The following ENTPD1 variants were observed in gnomAD, a reference collection of about 807,000 sequenced individuals.
ENTPD1 encodes ATP diphosphohydrolase.
Under a neutral mutation model 57.0 loss-of-function variants are expected in ENTPD1, and 33 were observed. The observed-to-expected ratio is 0.58, with a 90% CI of 0.44 to 0.77. ENTPD1 has a LOEUF of 0.77. Ranked by LOEUF, ENTPD1 falls within the 30% of genes least tolerant of loss-of-function variation. The pLI is 0.00. For synonymous variants in ENTPD1, 202 were observed against 218.8 expected, an observed-to-expected ratio of 0.92 and a Z score of 0.68; for missense variants, 501 against 603.4, an observed-to-expected ratio of 0.83 and a Z score of 1.78.
chr10:95,848,668 A>T (rs184456973), intron 7 of ENTPD1, among the ~76,000 whole-genome samples: 162 of 152,324 alleles, frequency 1.1e-3, no homozygotes, highest in Non-Finnish European at 1.6e-3. Flanking sequence ...AAAGCAGGAA[A>T]GATGTTTAAG....
intron 1 of ENTPD1, among the ~76,000 whole-genome samples, chr10:95,806,777 A>C (rs1247401207): frequency 6.6e-6 from 1 of 151,944 alleles, no homozygotes; most frequent in Non-Finnish European, 1.5e-5. Context: ...AGTTTGCTGG[A>C]GGTCCACTCC....
chr10:95,866,836 A>C lies in ENTPD1; in HGVS notation c.*453A>C. On this transcript the variant is annotated 3_prime_UTR_variant, in exon 10 of 10. Transcript: ENST00000371205. ...CTGTTTGCCATCCATTAAGAAAGCC[A>C]TATGATGCCTTTGGAGAAGGCAGAC... 9.5e-7 allele frequency: 1 copy of C among 1,051,630 alleles called. No individual in the cohort carries two copies. The allele number at this position is 1,051,630 out of a possible 1,614,324, so 65.1% of individuals were successfully genotyped here. A position where few individuals can be genotyped will look rare whatever the true frequency, so the allele number is the denominator to read the frequency against.
At chr10:95,826,085 C>T (rs2140599636) in intron 2 of ENTPD1, among the ~76,000 whole-genome samples, 1 of 152,256 alleles carries the variant, frequency 6.6e-6, no homozygotes, top group African/African-American at 2.4e-5. Context: ...ATAGGGAAGG[C>T]AGTATATAGA....
chr10:95,710,478 T>C (rs1363470552), upstream of ENTPD1, among the ~76,000 whole-genome samples: 3 of 152,010 alleles, frequency 2.0e-5, no homozygotes, highest in Non-Finnish European at 4.4e-5. Context: ...TACAAGCATT[T>C]ATCTAAGTAA....
At chr10:95,823,436 A>C (rs2098361495) in intron 2 of ENTPD1, 72 bp downstream of exon 2, 1 of 1,606,032 alleles carries the variant, frequency 6.2e-7, no homozygotes, top group African/African-American at 1.3e-5. Context: ...GAGGAGGGAT[A>C]AGGTATGTAG....
chr10:95,872,801 T>C lies in ENTPD1; in HGVS notation c.*6418T>C, dbSNP rs2098481959. On this transcript the variant is annotated 3_prime_UTR_variant, in exon 10 of 10. Transcript: ENST00000371205. ...GCTTCACTCTATTTATCTCTTGATGTAACCATCTTCTTTCTCCAGGTTTTA... is the reference window on the plus strand; with the variant it reads ...GCTTCACTCTATTTATCTCTTGATGCAACCATCTTCTTTCTCCAGGTTTTA... 1 of 985,472 alleles carries C rather than the reference T, an allele frequency of 1.0e-6. No individual in the cohort carries two copies. Among genetic ancestry groups the C allele is most frequent in the South Asian group, 4.7e-5 (1 of 21,290 alleles). The allele number at this position is 985,472 out of a possible 1,614,324, so 61.0% of individuals were successfully genotyped here. A position where few individuals can be genotyped will look rare whatever the true frequency, so the allele number is the denominator to read the frequency against.
At chr10:95,850,195 T>C (rs1238122529) in intron 7 of ENTPD1, among the ~76,000 whole-genome samples, 1 of 152,216 alleles carries the variant, frequency 6.6e-6, no homozygotes, top group Non-Finnish European at 1.5e-5. Flanking sequence ...TCTCCCAGCC[T>C]TCTGAACCTC....
intron 1 of ENTPD1, among the ~76,000 whole-genome samples, chr10:95,793,032 C>T (rs1278780199): frequency 2.0e-5 from 3 of 152,140 alleles, no homozygotes; most frequent in Non-Finnish European, 2.9e-5. Context: ...GGATTCCTTA[C>T]GTCATTGCTT....
Position 95,803,172 on chromosome 10 carries a change from A to G in ENTPD1, c.17-20065A>G, listed in dbSNP as rs188925265. Among the ~76,000 whole-genome samples the G allele has an allele frequency of 3.3e-3, 504 of 152,288 alleles. 2 individuals are homozygous for G. Among genetic ancestry groups the G allele is most frequent in the African/African-American group, 0.011 (477 of 41,556 alleles). On this transcript the variant is annotated intron_variant, in intron 1 of 9. Transcript: ENST00000371205. ...CGGTATGGCCATTTTAACGATATGGAATCTTCCTGTCCATGAGCATGGAAT... is the reference window on the plus strand; with the variant it reads ...CGGTATGGCCATTTTAACGATATGGGATCTTCCTGTCCATGAGCATGGAAT...
the ENTPD1 span, among the ~76,000 whole-genome samples, chr10:95,703,768 C>CG: frequency 9.9e-5 from 9 of 90,740 alleles, no homozygotes; most frequent in Non-Finnish European, 1.6e-4. Context: ...GGCGACAGAG[C>CG]GAGACTCTGT....
chr10:95,820,412 A>G (rs942062399), intron 1 of ENTPD1, among the ~76,000 whole-genome samples: 11 of 152,222 alleles, frequency 7.2e-5, no homozygotes, highest in Non-Finnish European at 1.5e-4. Flanking sequence ...GGTAACCTGG[A>G]TATCATTGCA....
In ENTPD1 at chr10:95,730,221, G is replaced by GT. The variant is rs144221478; in HGVS notation, c.37+18241dup. Among the ~76,000 whole-genome samples, 825 of 140,838 alleles carry GT rather than the reference G, an allele frequency of 5.9e-3. 4 individuals are homozygous for GT. The highest frequency in any genetic ancestry group is 9.2e-3 in the South Asian group (40 of 4,344). 92.4% of individuals were successfully genotyped at this position (140,838 alleles called of 152,430 possible). ...ACCTCATTAATTTCTGTGTTCTTTT[G>GT]TTTTTTTTTTTTTGTTACAGACAAG... is the stretch of plus-strand genomic sequence containing the variant. On this transcript the variant is annotated intron_variant, in intron 1 of 9. Coordinates refer to the ENTPD1 transcript ENST00000453258.
chr10:95,853,721 T>C (rs1217654913), intron 7 of ENTPD1, among the ~76,000 whole-genome samples: 2 of 152,246 alleles, frequency 1.3e-5, no homozygotes, highest in Non-Finnish European at 2.9e-5. Context: ...TCTGTTTATA[T>C]GCTGGATTAC....
At chr10:95,752,676 T>C (rs1021643675), upstream of ENTPD1, among the ~76,000 whole-genome samples, 2 of 152,048 alleles carry the variant, frequency 1.3e-5, no homozygotes, top group African/African-American at 2.4e-5. Flanking sequence ...AAAAAAAAAG[T>C]TACCATATTA....
the ENTPD1 span, among the ~76,000 whole-genome samples, chr10:95,700,238 G>C: frequency 6.6e-6 from 1 of 151,938 alleles, no homozygotes; most frequent in Non-Finnish European, 1.5e-5. Flanking sequence ...TTAAAATTTT[G>C]GAAGATAAAT....
At chr10:95,704,784 G>C in the ENTPD1 span, among the ~76,000 whole-genome samples, 12,653 of 151,942 alleles carry the variant, frequency 0.083, 583 homozygotes, top group South Asian at 0.12. Context: ...ATTGTGTCTT[G>C]TTAACATTGA....
chr10:95,876,405 A>G lies in ENTPD1; in HGVS notation c.*10022A>G. ...TAAGTTTTTCTTGATGGTAAATCAT[A>G]ATGTTCCCTTTCTCCTCGGTTCTGC... is the stretch of plus-strand genomic sequence containing the variant. On this transcript the variant is annotated 3_prime_UTR_variant, in exon 10 of 10. Transcript: ENST00000371205. 2 of 1,231,360 alleles carry G rather than the reference A, an allele frequency of 1.6e-6. No individual in the cohort carries two copies. Among genetic ancestry groups the G allele is most frequent in the Non-Finnish European group, 2.0e-6 (2 of 987,714 alleles). 76.3% of individuals were successfully genotyped at this position (1,231,360 alleles called of 1,614,324 possible).
chr10:95,822,266 G>A (rs1405449110), intron 1 of ENTPD1, among the ~76,000 whole-genome samples: 1 of 151,892 alleles, frequency 6.6e-6, no homozygotes, highest in African/African-American at 2.4e-5. Flanking sequence ...CCAAAGTGCT[G>A]GGATTACAAG....
chr10:95,818,328 C>G (rs1264527861), intron 1 of ENTPD1, among the ~76,000 whole-genome samples: 2 of 152,182 alleles, frequency 1.3e-5, no homozygotes, highest in African/African-American at 4.8e-5. Context: ...TGGACCCAAA[C>G]AGATCTGTTG....
Sources: allele counts gnomAD v4.1 joint callset (sites outside exome capture counted in the v4.1 genomes callset), GRCh38; gene constraint gnomAD v4.1.1; transcripts MANE v1.5; gene names NCBI Gene and HGNC (gene_info 2026-07-23, HGNC 2026-07-21).